PARVA: variants seen among roughly 807,000 people sequenced by gnomAD.
PARVA encodes parvin alpha.
In PARVA, 25 loss-of-function variants were observed where a neutral mutation model predicts 52.6. That is an observed-to-expected ratio of 0.48 (90% confidence interval 0.35 to 0.66). The LOEUF is 0.66. PARVA is among the 30% of genes least tolerant of loss of function. The pLI, the probability that PARVA is intolerant of heterozygous loss-of-function variation, is 0.01. For missense variants in PARVA, 373 were observed against 450.9 expected (o/e 0.83, Z 1.56); for synonymous variants, 185 against 179.1 (o/e 1.03, Z -0.26).
At chr11:12,504,577 G>T in intron 6 of PARVA, 148 bp downstream of exon 6, 1 of 621,056 alleles carries the variant, frequency 1.6e-6, no homozygotes, top group Non-Finnish European at 2.9e-6. Context: ...CACTGAATGA[G>T]CTTTCTGTTG....
intron 1 of PARVA, among the ~76,000 whole-genome samples, chr11:12,402,418 A>G (rs1361935242): frequency 6.6e-6 from 1 of 152,246 alleles, no homozygotes; most frequent in African/African-American, 2.4e-5. Context: ...GGGCAAGTGG[A>G]TATTTAGCAT....
chr11:12,385,389 G>A (rs563220931), intron 1 of PARVA, among the ~76,000 whole-genome samples: 116 of 152,266 alleles, frequency 7.6e-4, no homozygotes, highest in South Asian at 1.9e-3. Flanking sequence ...GTAGTGCTGA[G>A]GAACAGAGTG....
At chr11:12,488,698 C>A (rs778595201) in intron 4 of PARVA, among the ~76,000 whole-genome samples, 1 of 152,156 alleles carries the variant, frequency 6.6e-6, no homozygotes, top group Non-Finnish European at 1.5e-5. Context: ...AAGAAGTCTG[C>A]TTCAGATAAC....
chr11:12,498,577 T>C (rs958360027), intron 5 of PARVA, among the ~76,000 whole-genome samples: 5 of 145,842 alleles, frequency 3.4e-5, no homozygotes, highest in Admixed American at 6.8e-5. Flanking sequence ...TACACTTTTT[T>C]TTTTTTTTTT....
At chr11:12,478,082 G>A (rs1321415712) in intron 4 of PARVA, 133 bp downstream of exon 4, 3 of 740,886 alleles carry the variant, frequency 4.0e-6, no homozygotes, top group African/African-American at 3.4e-5. Flanking sequence ...GTGGAGCATG[G>A]AATAACAGCT....
chr11:12,504,807 G>T (rs974919014), intron 6 of PARVA, among the ~76,000 whole-genome samples: 3 of 138,654 alleles, frequency 2.2e-5, no homozygotes, highest in African/African-American at 7.7e-5. Flanking sequence ...TTGTGTACAG[G>T]AGTGTACAGG....
intron 1 of PARVA, among the ~76,000 whole-genome samples, chr11:12,441,317 A>T (rs1011260287): frequency 6.6e-6 from 1 of 151,720 alleles, no homozygotes; most frequent in African/African-American, 2.4e-5. Context: ...AATAATGAAA[A>T]TTTTTGCCTC....
rs750187645 is a variant in PARVA at position 12,496,470 on chromosome 11, G to A, written c.413G>A (p.Ser138Asn). 4 of 1,607,758 alleles carry A rather than the reference G, an allele frequency of 2.5e-6. No individual in the cohort carries two copies. The highest frequency in any genetic ancestry group is 3.4e-5 in the Admixed American group (2 of 59,204). ...VLQKLFEKLE[S>N]EKLNVAEVTQ... Reference sequence around the variant, plus strand: ...TTGTCACCCTCAGAGAAACTGGAGAGTGAGAAGCTAAATGTGGCTGAGGTC... The same window carrying A: ...TTGTCACCCTCAGAGAAACTGGAGAATGAGAAGCTAAATGTGGCTGAGGTC... The change falls in exon 5 of 13, where the codon AGT becomes AAT. Residue 138 changes from serine (S) to asparagine (N), a missense_variant. By Grantham distance (46) the Ser-to-Asn change is conservative. Coordinates refer to ENST00000334956, the MANE Select transcript of PARVA (RefSeq NM_018222.5).
chr11:12,416,937 T>C (rs1384692519), intron 1 of PARVA, among the ~76,000 whole-genome samples: 2 of 152,212 alleles, frequency 1.3e-5, no homozygotes, highest in Admixed American at 6.5e-5. Context: ...TGTGGGTCTC[T>C]AGTAATCTTT....
At chr11:12,493,035 ATATAC>A (rs1941251871) in intron 4 of PARVA, among the ~76,000 whole-genome samples, 1 of 152,158 alleles carries the variant, frequency 6.6e-6, no homozygotes, top group Non-Finnish European at 1.5e-5. Context: ...AAAAATATAT[ATATAC>A]TATAATCTCA....
chr11:12,422,829 G>T (rs1940171405), intron 1 of PARVA, among the ~76,000 whole-genome samples: 1 of 151,634 alleles, frequency 6.6e-6, no homozygotes, highest in Non-Finnish European at 1.5e-5. Flanking sequence ...AATTTTGGGG[G>T]GCTCCCTTTG....
Position 12,377,688 on chromosome 11 carries a change from C to T in PARVA, c.41C>T (p.Ser14Phe). 2 of 1,568,206 alleles carry T rather than the reference C, an allele frequency of 1.3e-6. No homozygotes were observed. Among genetic ancestry groups the T allele is most frequent in the Non-Finnish European group, 1.7e-6 (2 of 1,161,900 alleles). ...SPQKSPSVPK[S>F]PTPKSPPSRK... ...CAGAAGTCGCCTTCTGTCCCCAAGT[C>T]TCCCACTCCCAAGTCGCCCCCGTCC... is the stretch of plus-strand genomic sequence containing the variant. Residue 14 changes from serine to phenylalanine, a missense_variant, in exon 1 of 13, where the codon TCT becomes TTT. Transcript: ENST00000334956.
intron 1 of PARVA, among the ~76,000 whole-genome samples, chr11:12,430,368 C>G (rs1940299905): frequency 6.6e-6 from 1 of 152,170 alleles, no homozygotes; most frequent in South Asian, 2.1e-4. Context: ...CCCTGAATCC[C>G]TGAAAATTTA....
At chr11:12,445,490 C>G (rs1319657085) in intron 1 of PARVA, among the ~76,000 whole-genome samples, 3 of 152,156 alleles carry the variant, frequency 2.0e-5, no homozygotes, top group Non-Finnish European at 4.4e-5. Context: ...GAGCTGAGGA[C>G]AGACAGCAAG....
chr11:12,389,285 T>G (rs1392215626), intron 1 of PARVA, among the ~76,000 whole-genome samples: 2 of 152,102 alleles, frequency 1.3e-5, no homozygotes, highest in Non-Finnish European at 1.5e-5. Flanking sequence ...CACCCCAGTG[T>G]CTGCTCCCTT....
intron 1 of PARVA, among the ~76,000 whole-genome samples, chr11:12,448,978 T>C (rs1940585475): frequency 6.6e-6 from 1 of 152,168 alleles, no homozygotes; most frequent in South Asian, 2.1e-4. Context: ...CTAAGAAGCT[T>C]TATCAGAATT....
chr11:12,528,480 T>TG lies in PARVA; in HGVS notation c.*555_*556insG, dbSNP rs1941731921. The TG allele has an allele frequency of 6.4e-6, 1 of 155,706 alleles. No individual in the cohort carries two copies. The highest frequency in any genetic ancestry group is 1.4e-5 in the Non-Finnish European group (1 of 70,032). 9.6% of individuals were successfully genotyped at this position (155,706 alleles called of 1,614,324 possible). A position where few individuals can be genotyped will look rare whatever the true frequency, so the allele number is the denominator to read the frequency against. ...CCTTCTCCCTAAAGGTAACCACTAT[T>TG]CTGAGTCCAATCATCAAGGTTTTGC... On this transcript the variant is annotated 3_prime_UTR_variant, in exon 13 of 13. Coordinates refer to ENST00000334956, the MANE Select transcript of PARVA (RefSeq NM_018222.5).
intron 1 of PARVA, among the ~76,000 whole-genome samples, chr11:12,447,629 T>G (rs774563269): frequency 2.0e-5 from 3 of 152,240 alleles, no homozygotes; most frequent in Non-Finnish European, 4.4e-5. Flanking sequence ...ATCTTCTGTG[T>G]GACCTGAATT....
chr11:12,515,762 G>A (rs1031904654), intron 10 of PARVA, among the ~76,000 whole-genome samples: 2 of 152,152 alleles, frequency 1.3e-5, no homozygotes, highest in East Asian at 1.9e-4. Flanking sequence ...CTGCTCTCCC[G>A]TGTCCACCTA....
Sources: gnomAD v4.1 joint callset for allele counts (sites outside exome capture counted in the v4.1 genomes callset) on GRCh38, gnomAD v4.1.1 for gene constraint, MANE v1.5 for transcripts, NCBI Gene and HGNC (gene_info 2026-07-23, HGNC 2026-07-21) for gene names.